LRIG3: variants seen among roughly 807,000 people sequenced by gnomAD.
LRIG3 encodes leucine rich repeats and immunoglobulin like domains 3.
Under a neutral mutation model 114.5 loss-of-function variants are expected in LRIG3, and 76 were observed. The observed-to-expected ratio is 0.66, with a 90% confidence interval of 0.55 to 0.80. The LOEUF (loss-of-function observed/expected upper bound fraction) is 0.80. LRIG3 is among the 30% of genes least tolerant of loss of function. The pLI, the probability that LRIG3 is intolerant of heterozygous loss-of-function variation, is 0.00. For synonymous variants in LRIG3, 512 were observed against 519.8 expected (o/e 0.98, Z 0.20); for missense variants, 1,239 against 1,382.8 (o/e 0.90, Z 1.65).
At chr12:58,909,294 C>G (rs547628313) in intron 3 of LRIG3, among the ~76,000 whole-genome samples, 1 of 152,142 alleles carries the variant, frequency 6.6e-6, no homozygotes, top group Admixed American at 6.5e-5. Flanking sequence ...TAGAACAGTA[C>G]CCAGAACATA....
At position 58,874,085 on chromosome 12, in the gene LRIG3, C is replaced by G; in HGVS notation, c.3085G>C (p.Ala1029Pro). 1.2e-6 allele frequency: 2 copies of G among 1,614,226 alleles called. No homozygotes were observed. The highest frequency in any genetic ancestry group is 1.7e-6 in the Non-Finnish European group (2 of 1,180,036). Residue 1029 changes from alanine (A) to proline (P), a missense_variant, in exon 18 of 19, where the codon GCG becomes CCG. By Grantham distance (27) the Ala-to-Pro change is conservative (BLOSUM62 -1). Transcript: ENST00000320743. ...SLDFSANPEP[A>P]SVASSNSFMG... The stretch of plus-strand genomic sequence containing the variant: ...AAAGAATTACTCGAGGCAACCGACG[C>G]TGGCTCTGGATTTGCACTAAAATCT...
rs1298138959 is a variant in LRIG3, at chr12:58,888,972, G to A, written c.660-10C>T. 2 of 1,609,850 alleles carry A rather than the reference G, an allele frequency of 1.2e-6. No homozygotes were observed. The highest frequency in any genetic ancestry group is 2.2e-5 in the East Asian group (1 of 44,832). On this transcript the variant is annotated splice_polypyrimidine_tract_variant and intron_variant, in intron 5 of 18. Transcript: ENST00000320743. ...GTTTCGGTTCAATTCGCTGCATTGA[G>A]TATTACAAGAGTTAGCTTATATGAC...
chr12:58,883,139 A>G, intron 11 of LRIG3, 107 bp from the exon 12 acceptor site: 1 of 1,042,230 alleles, frequency 9.6e-7, no homozygotes, highest in South Asian at 1.7e-5. Flanking sequence ...GAAACTGAAT[A>G]CACACATCCC....
At position 58,876,544 on chromosome 12, in the gene LRIG3, C is replaced by T; in HGVS notation, c.2596G>A (p.Asp866Asn). The T allele has an allele frequency of 1.9e-6, 3 of 1,614,198 alleles. No individual in the cohort carries two copies. Among genetic ancestry groups the T allele is most frequent in the Admixed American group, 1.7e-5 (1 of 60,024 alleles). ...GAAGACACGTACCCATCCTGCCTGT[C>T]AGCTAACGTTCCCTGAGATGACAAA... ...SYLSSQGTLA[D>N]RQDGYVSSES... Residue 866 changes from aspartate (D) to asparagine (N), a missense_variant, in exon 16 of 19, where the codon GAC becomes AAC. By Grantham distance (23) the Asp-to-Asn change is conservative (BLOSUM62 1). Coordinates refer to ENST00000320743, the MANE Select transcript of LRIG3 (RefSeq NM_153377.5).
At chr12:58,914,119 G>A (rs1193893324) in intron 2 of LRIG3, 63 bp from the exon 3 acceptor site, 11 of 1,554,934 alleles carry the variant, frequency 7.1e-6, no homozygotes, top group African/African-American at 2.8e-5. Flanking sequence ...ATTCACAGAG[G>A]TGAAAACTTT....
intron 3 of LRIG3, among the ~76,000 whole-genome samples, chr12:58,912,440 G>A (rs1312703224): frequency 6.6e-6 from 1 of 152,056 alleles, no homozygotes; most frequent in African/African-American, 2.4e-5. Flanking sequence ...AGCTTACAGT[G>A]AGCCAAGATC....
At chr12:58,873,042 A>G (rs1870790903) in intron 18 of LRIG3, among the ~76,000 whole-genome samples, 1 of 152,184 alleles carries the variant, frequency 6.6e-6, no homozygotes, top group African/African-American at 2.4e-5. Flanking sequence ...CACTGAACAA[A>G]TGCATCTATT....
In LRIG3 at chr12:58,877,527, GTCA is replaced by G. The variant is rs1870964805; in HGVS notation, c.2406_2408del (p.Asp803del). ...TCACGACACCCACAGTGGCCCATCC[GTCA>G]TCGTCTAACGATGGGGCTGTCATCT... On this transcript the variant is annotated inframe_deletion, in exon 15 of 19. Coordinates refer to ENST00000320743, the MANE Select transcript of LRIG3 (RefSeq NM_153377.5). 6.2e-7 allele frequency: 1 copy of G among 1,614,182 alleles called. No homozygotes were observed. The highest frequency in any genetic ancestry group is 1.6e-4 in the Middle Eastern group (1 of 6,062).
Position 58,882,958 on chromosome 12 carries a change from A to C in LRIG3, c.1391T>G (p.Phe464Cys), listed in dbSNP as rs754696712. ...WLPQWVAENN[F>C]QSFVNASCAH... ...ACAACTGGCATTTACAAAGCTCTGA[A>C]AGTTGTTTTCCGCCACCCACTGTGG... The change falls in exon 12 of 19, where the codon TTT becomes TGT. Residue 464 changes from phenylalanine (F) to cysteine (C), a missense_variant. Coordinates refer to ENST00000320743, the MANE Select transcript of LRIG3 (RefSeq NM_153377.5). 3.7e-5 allele frequency: 59 copies of C among 1,614,138 alleles called. No homozygotes were observed. The highest frequency in any genetic ancestry group is 4.6e-5 in the Non-Finnish European group (54 of 1,180,000).
At chr12:58,917,125 C>CCCCCA (rs1159439765) in intron 1 of LRIG3, among the ~76,000 whole-genome samples, 3 of 151,934 alleles carry the variant, frequency 2.0e-5, no homozygotes, top group South Asian at 2.1e-4. Context: ...AGGACTATTA[C>CCCCCA]CCCCACCCCA....
Position 58,919,999 on chromosome 12 carries a change from C to T in LRIG3, c.236+1G>A. ...CCTCCCCCCGCGGGAAGAATACTTA[C>T]AGCCGAGCGACCCAGGACGGGAGTG... On this transcript the variant is annotated splice_donor_variant, in intron 1 of 18. Transcript: ENST00000320743. LOFTEE classifies it high-confidence loss of function. The T allele has an allele frequency of 6.4e-7, 1 of 1,551,338 alleles. No homozygotes were observed. The highest frequency in any genetic ancestry group is 8.7e-7 in the Non-Finnish European group (1 of 1,147,342).
chr12:58,880,716 C>T lies in LRIG3; in HGVS notation c.1666G>A (p.Gly556Ser). 1 of 1,614,198 alleles carries T rather than the reference C, an allele frequency of 6.2e-7. No homozygotes were observed. The highest frequency in any genetic ancestry group is 2.2e-5 in the East Asian group (1 of 44,880). The change falls in exon 13 of 19, where the codon GGT becomes AGT. Residue 556 changes from glycine to serine, a missense_variant. Physicochemically the swap from Gly to Ser is moderately conservative, Grantham distance 56. Coordinates refer to ENST00000320743, the MANE Select transcript of LRIG3 (RefSeq NM_153377.5). ...GTGGTATACTCCATCACCTCGCCACCTTGGGCCCGGAGGTGTGCATAATTT... is the reference window on the plus strand; with the variant it reads ...GTGGTATACTCCATCACCTCGCCACTTTGGGCCCGGAGGTGTGCATAATTT... ...MENYAHLRAQ[G>S]GEVMEYTTIL...
At chr12:58,879,248 G>C (rs1188503155) in intron 13 of LRIG3, 143 bp from the exon 14 acceptor site, 4 of 984,740 alleles carry the variant, frequency 4.1e-6, no homozygotes, top group Non-Finnish European at 5.8e-6. Context: ...CCAATTTCAA[G>C]TCAAGGAAAC....
At chr12:58,882,844 A>G in intron 12 of LRIG3, 25 bp downstream of exon 12, 2 of 1,555,902 alleles carry the variant, frequency 1.3e-6, no homozygotes, top group Non-Finnish European at 1.7e-6. Flanking sequence ...AATAAATAAA[A>G]GGCAAGGGCA....
In LRIG3 at chr12:58,878,748, T is replaced by G. The variant is rs1483302671; in HGVS notation, c.2083+76A>C. 4.0e-6 allele frequency: 6 copies of G among 1,497,068 alleles called. No homozygotes were observed. In the Admixed American group the frequency reaches 5.7e-5, roughly 14 times the overall value. The allele number at this position is 1,497,068 out of a possible 1,614,324, so 92.7% of individuals were successfully genotyped here. A position where few individuals can be genotyped will look rare whatever the true frequency, so the allele number is the denominator to read the frequency against. ...CTTCATCTCTTACTCTCACAACTTC[T>G]GATACTTAGGGACCTTGGATGAGCT... On this transcript the variant is annotated intron_variant, in intron 14 of 18. Transcript: ENST00000320743.
chr12:58,880,626 G>C lies in LRIG3; in HGVS notation c.1756C>G (p.His586Asp). ...TTGACAGAGTAGGATGAACCAAAGTGATTGGAGATGACACACTGATATTTC... is the reference window on the plus strand; with the variant it reads ...TTGACAGAGTAGGATGAACCAAAGTCATTGGAGATGACACACTGATATTTC... ...EGKYQCVISN[H>D]FGSSYSVKAK... is the part of the protein sequence containing the mutation. Residue 586 changes from histidine to aspartate, a missense_variant, in exon 13 of 19, where the codon CAC (histidine) becomes GAC (aspartate). By Grantham distance (81) the His-to-Asp change is moderately conservative. Transcript: ENST00000320743. The C allele has an allele frequency of 6.2e-7, 1 of 1,614,142 alleles. No homozygotes were observed. Among genetic ancestry groups the C allele is most frequent in the South Asian group, 1.1e-5 (1 of 91,084 alleles).
In LRIG3 at chr12:58,920,196, C is replaced by G; in HGVS notation, c.40G>C (p.Gly14Arg). 7.0e-7 allele frequency: 1 copy of G among 1,429,484 alleles called. No homozygotes were observed. Among genetic ancestry groups the G allele is most frequent in the Non-Finnish European group, 9.1e-7 (1 of 1,103,036 alleles). 88.6% of individuals were successfully genotyped at this position (1,429,484 alleles called of 1,614,324 possible). Residue 14 changes from glycine (G) to arginine (R), a missense_variant, in exon 1 of 19, where the codon GGG becomes CGG. Transcript: ENST00000320743. ...CCCAGCACCGCGCACAGCAGCAGCC[C>G]CAACCCCGCGGCGCGCGCACGGAGG... ...PSLRARAAGL[G>R]LLLCAVLGRA... is the part of the protein sequence containing the mutation.
Position 58,920,332 on chromosome 12 carries a change from G to A in LRIG3, c.-97C>T. 2.3e-6 allele frequency: 2 copies of A among 868,948 alleles called. No individual in the cohort carries two copies. Among genetic ancestry groups the A allele is most frequent in the South Asian group, 7.0e-5 (2 of 28,474 alleles). 53.8% of individuals were successfully genotyped at this position (868,948 alleles called of 1,614,324 possible). ...CAGCCGAGGGTGCACGCCCGCCCTCGCGGTCGCGTGCGCGCTCCTCCCTCG... is the reference window on the plus strand; with the variant it reads ...CAGCCGAGGGTGCACGCCCGCCCTCACGGTCGCGTGCGCGCTCCTCCCTCG... On this transcript the variant is annotated 5_prime_UTR_variant, in exon 1 of 19. Transcript: ENST00000320743.
chr12:58,875,877 T>C (rs990051693), intron 16 of LRIG3, among the ~76,000 whole-genome samples: 13 of 152,058 alleles, frequency 8.5e-5, no homozygotes, highest in African/African-American at 3.1e-4. Context: ...CCATCTCTAC[T>C]AAAAATACAA....
Sources: allele counts gnomAD v4.1 joint callset (sites outside exome capture counted in the v4.1 genomes callset), GRCh38; gene constraint gnomAD v4.1.1; transcripts MANE v1.5; gene names NCBI Gene and HGNC (gene_info 2026-07-23, HGNC 2026-07-21).